The following TYW1B variants were observed in gnomAD, a reference collection of about 807,000 sequenced individuals.
TYW1B encodes the protein tRNA-yW synthesizing protein 1 homolog B, also known as S-adenosyl-L-methionine-dependent tRNA 4-demethylwyosine synthase TYW1B.
Under a neutral mutation model 86.9 loss-of-function variants are expected in TYW1B, and 73 were observed. That is an observed-to-expected ratio of 0.84 (90% CI 0.70 to 1.02). The LOEUF is 1.02. Among genes scored for constraint, TYW1B ranks in the 50% least tolerant of loss-of-function variants. The probability of loss-of-function intolerance (pLI) is 0.00; values close to 1 mark genes in which losing one functional copy is unlikely to be tolerated. For synonymous variants in TYW1B, 248 were observed against 292.8 expected (o/e 0.85, Z 1.56); for missense variants, 637 against 827.4 (o/e 0.77, Z 2.82).
At chr7:72,730,930 CAAA>C (rs71071907) in intron 8 of TYW1B, among the ~76,000 whole-genome samples, 10 of 112,346 alleles carry the variant, frequency 8.9e-5, no homozygotes, top group Non-Finnish European at 1.1e-4. Context: ...GATTAAATGC[CAAA>C]AAAAAAAAAA....
At chr7:72,669,134 C>CTTTTTTTTT (rs781821639) in intron 11 of TYW1B, among the ~76,000 whole-genome samples, 1 of 81,524 alleles carries the variant, frequency 1.2e-5, no homozygotes, top group African/African-American at 4.7e-5. Context: ...TAATTTTAAA[C>CTTTTTTTTT]TTTTTTTTTT....
chr7:72,669,131 AAACTTTTTTTTTT>A (rs1468527828), intron 11 of TYW1B, among the ~76,000 whole-genome samples: 1 of 143,104 alleles, frequency 7.0e-6, no homozygotes. Context: ...ATTTAATTTT[AAACTTTTTTTTTT>A]TTTTTTTTTT....
At chr7:72,791,201 T>A (rs1585986269) in intron 6 of TYW1B, among the ~76,000 whole-genome samples, 1 of 151,970 alleles carries the variant, frequency 6.6e-6, no homozygotes, top group Non-Finnish European at 1.5e-5. Context: ...ATAATACCAG[T>A]CCCCAGCAGC....
chr7:72,610,269 T>C (rs1252982570), intron 13 of TYW1B, among the ~76,000 whole-genome samples: 8 of 152,252 alleles, frequency 5.3e-5, no homozygotes, highest in Admixed American at 2.6e-4. Flanking sequence ...TGTCTCACTC[T>C]GGGCATTCTA....
chr7:72,780,021 A>T (rs1788024079), intron 6 of TYW1B, among the ~76,000 whole-genome samples: 1 of 152,196 alleles, frequency 6.6e-6, no homozygotes, highest in Non-Finnish European at 1.5e-5. Flanking sequence ...ATTCATAAAC[A>T]AACATCAATC....
intron 10 of TYW1B, among the ~76,000 whole-genome samples, chr7:72,708,413 T>C (rs1814662125): frequency 6.6e-6 from 1 of 152,172 alleles, no homozygotes; most frequent in Non-Finnish European, 1.5e-5. Context: ...AGGTTTAAAA[T>C]AAACCTATTG....
intron 9 of TYW1B, among the ~76,000 whole-genome samples, chr7:72,715,233 C>G (rs1786756225): frequency 6.6e-6 from 1 of 152,032 alleles, no homozygotes; most frequent in African/African-American, 2.4e-5. Flanking sequence ...AGTTTAGTAG[C>G]CACTAGCACA....
At chr7:72,595,052 T>C (rs772511974) in intron 13 of TYW1B, among the ~76,000 whole-genome samples, 6 of 152,224 alleles carry the variant, frequency 3.9e-5, no homozygotes, top group African/African-American at 7.2e-5. Flanking sequence ...TAGTAAAACA[T>C]TGAAAGCTTT....
chr7:72,611,643 C>G (rs1428192165), intron 13 of TYW1B, among the ~76,000 whole-genome samples: 1 of 152,178 alleles, frequency 6.6e-6, no homozygotes, highest in African/African-American at 2.4e-5. Context: ...ATGTCTTTAT[C>G]AGCAGCGTGA....
At chr7:72,753,632 C>T (rs948292365) in intron 7 of TYW1B, among the ~76,000 whole-genome samples, 3 of 151,876 alleles carry the variant, frequency 2.0e-5, no homozygotes, top group Non-Finnish European at 4.4e-5. Context: ...AGGTGTGTGC[C>T]ACCACGCCTG....
intron 13 of TYW1B, among the ~76,000 whole-genome samples, chr7:72,575,935 T>G (rs1384206097): frequency 1.3e-5 from 2 of 152,222 alleles, no homozygotes; most frequent in African/African-American, 4.8e-5. Flanking sequence ...TCCTTTCCCT[T>G]GGGCCTGCAG....
At chr7:72,615,094 A>G (rs1812037352) in intron 13 of TYW1B, among the ~76,000 whole-genome samples, 1 of 152,200 alleles carries the variant, frequency 6.6e-6, no homozygotes, top group Non-Finnish European at 1.5e-5. Context: ...ATGTCTGAGC[A>G]CTGTGTCCCT....
At chr7:72,646,287 C>G (rs1812928673) in intron 11 of TYW1B, among the ~76,000 whole-genome samples, 1 of 152,092 alleles carries the variant, frequency 6.6e-6, no homozygotes, top group Non-Finnish European at 1.5e-5. Context: ...GTCTCAAACT[C>G]CTGGCCTCAA....
intron 10 of TYW1B, among the ~76,000 whole-genome samples, chr7:72,700,140 TA>T (rs1814426927): frequency 7.2e-6 from 1 of 139,774 alleles, no homozygotes; most frequent in African/African-American, 2.6e-5. Context: ...TATCAATACA[TA>T]AAGAGCTTTT....
At chr7:72,740,733 CTT>C (rs71071910) in intron 8 of TYW1B, among the ~76,000 whole-genome samples, 8 of 137,360 alleles carry the variant, frequency 5.8e-5, no homozygotes, top group Admixed American at 7.4e-5. Flanking sequence ...ATGCAGTTTT[CTT>C]TTTTTTTTTT....
At chr7:72,758,694 G>T (rs1234966539) in intron 7 of TYW1B, among the ~76,000 whole-genome samples, 1 of 152,094 alleles carries the variant, frequency 6.6e-6, no homozygotes, top group East Asian at 1.9e-4. Context: ...TTGGAATGTG[G>T]TTTGGATAAG....
intron 11 of TYW1B, among the ~76,000 whole-genome samples, chr7:72,663,185 G>C (rs1456793850): frequency 6.6e-6 from 1 of 151,642 alleles, no homozygotes; most frequent in South Asian, 2.1e-4. Flanking sequence ...TAGTCAAGGC[G>C]GGGGGTTGTG....
intron 8 of TYW1B, among the ~76,000 whole-genome samples, chr7:72,738,830 G>T (rs1787247649): frequency 6.6e-6 from 1 of 152,092 alleles, no homozygotes; most frequent in Admixed American, 6.6e-5. Flanking sequence ...CAGCACTTTG[G>T]GAGGCTAAGA....
intron 13 of TYW1B, among the ~76,000 whole-genome samples, chr7:72,579,148 C>G (rs1811091064): frequency 6.6e-6 from 1 of 151,998 alleles, no homozygotes; most frequent in Non-Finnish European, 1.5e-5. Context: ...ATACAACTTT[C>G]ACAAAACTGC....
Sources: gnomAD v4.1 joint callset for allele counts (sites outside exome capture counted in the v4.1 genomes callset) on GRCh38, gnomAD v4.1.1 for gene constraint, MANE v1.5 for transcripts, NCBI Gene and HGNC (gene_info 2026-07-23, HGNC 2026-07-21) for gene names.